EDA: variants seen among roughly 807,000 people sequenced by gnomAD.
EDA encodes ectodysplasin-A.
A neutral mutation model predicts 23.6 loss-of-function variants in EDA; 2 were observed. The ratio of observed to expected loss-of-function variants is 0.08; its 90% CI spans 0.03 to 0.27. The LOEUF is 0.27. Among genes scored for constraint, EDA ranks in the 10% least tolerant of loss-of-function variants. EDA has a pLI of 1.00. For missense variants in EDA, 229 were observed against 324.2 expected (o/e 0.71, Z 2.26); for synonymous variants, 131 against 132.0 (o/e 0.99, Z 0.05).
Position 69,786,809 on chromosome X carries a change from G to A in EDA, c.396+170105G>A, listed in dbSNP as rs1234958544. Among the ~76,000 whole-genome samples, 192 of 110,856 alleles carry A rather than the reference G, an allele frequency of 1.7e-3. 7 individuals are homozygous for A. The South Asian group carries it at 0.059, about 34-fold the overall frequency. On this transcript the variant is annotated intron_variant, in intron 1 of 7. Transcript: ENST00000374552. Reference sequence around the variant, plus strand: ...AGTTCTGTAGATGTCTATTAGGTCCGCTTGGTGCAGAGCTGAGTTCAATTC... The same window carrying A: ...AGTTCTGTAGATGTCTATTAGGTCCACTTGGTGCAGAGCTGAGTTCAATTC...
intron 1 of EDA, among the ~76,000 whole-genome samples, chrX:69,829,189 T>C (rs953818380): frequency 2.7e-5 from 3 of 112,325 alleles, no homozygotes; most frequent in Admixed American, 9.5e-5. Flanking sequence ...CATAGGTAAA[T>C]CCCTAGTTCC....
chrX:69,869,245 A>G (rs1569360455), intron 1 of EDA, among the ~76,000 whole-genome samples: 1 of 110,684 alleles, frequency 9.0e-6, no homozygotes, highest in East Asian at 2.9e-4. Flanking sequence ...CTGGGGACCC[A>G]CTGGACCCAC....
intron 1 of EDA, among the ~76,000 whole-genome samples, chrX:69,743,744 A>G (rs546540838): frequency 2.7e-5 from 3 of 112,219 alleles, no homozygotes; most frequent in Middle Eastern, 4.6e-3. Flanking sequence ...CAACCTAGGT[A>G]AGTAAATGTG....
chrX:69,750,904 T>A (rs1361222563), intron 1 of EDA, among the ~76,000 whole-genome samples: 1 of 111,802 alleles, frequency 8.9e-6, no homozygotes, highest in Non-Finnish European at 1.9e-5. Flanking sequence ...GTTTAAGTTC[T>A]TCATAGATTC....
chrX:69,812,925 A>G (rs1352854175), intron 1 of EDA, among the ~76,000 whole-genome samples: 1 of 111,406 alleles, frequency 9.0e-6, no homozygotes, highest in African/African-American at 3.3e-5. Flanking sequence ...ATTAAGATTT[A>G]TTTTTAGTTT....
chrX:69,730,742 T>C (rs2147356616), intron 1 of EDA, among the ~76,000 whole-genome samples: 1 of 111,970 alleles, frequency 8.9e-6, no homozygotes, highest in Non-Finnish European at 1.9e-5. Context: ...CTTTAGTAAA[T>C]AAAAGAATCT....
intron 1 of EDA, among the ~76,000 whole-genome samples, chrX:69,705,223 C>CAAA: frequency 1.7e-5 from 1 of 58,849 alleles, no homozygotes; most frequent in Non-Finnish European, 3.0e-5. Context: ...AACTCCATCT[C>CAAA]AAAAAAAAAA....
intron 2 of EDA, among the ~76,000 whole-genome samples, chrX:69,967,594 C>T (rs1445595966): frequency 2.7e-5 from 3 of 111,894 alleles, no homozygotes; most frequent in Admixed American, 9.5e-5. Flanking sequence ...TTACAAGTGA[C>T]AGATAGCTGG....
intron 1 of EDA, among the ~76,000 whole-genome samples, chrX:69,629,596 C>T (rs1280752332): frequency 1.8e-5 from 2 of 111,546 alleles, no homozygotes; most frequent in East Asian, 2.8e-4. Context: ...TATCATGCTA[C>T]CTTAAGGATC....
intron 1 of EDA, among the ~76,000 whole-genome samples, chrX:69,703,681 G>A (rs1354204684): frequency 1.8e-5 from 2 of 111,364 alleles, no homozygotes. Flanking sequence ...GTCTTCAGGC[G>A]GTACGTGTCT....
intron 1 of EDA, among the ~76,000 whole-genome samples, chrX:69,774,575 TA>T (rs199556553): frequency 1.8e-5 from 2 of 110,371 alleles, no homozygotes; most frequent in South Asian, 7.6e-4. Flanking sequence ...TTTGTTATTT[TA>T]AAAAAAGCAA....
intron 1 of EDA, among the ~76,000 whole-genome samples, chrX:69,715,435 G>T (rs766550583): frequency 1.8e-5 from 2 of 111,514 alleles, no homozygotes; most frequent in East Asian, 5.7e-4. Context: ...TCTTTTTAAT[G>T]GTTGCATAAT....
intron 1 of EDA, among the ~76,000 whole-genome samples, chrX:69,709,431 G>C (rs1033169095): frequency 2.7e-5 from 3 of 111,829 alleles, no homozygotes; most frequent in Non-Finnish European, 5.6e-5. Context: ...ATGTTTACAA[G>C]TTCTCTCAGC....
chrX:69,826,504 A>C (rs1222520331), intron 1 of EDA, among the ~76,000 whole-genome samples: 2 of 109,428 alleles, frequency 1.8e-5, no homozygotes, highest in African/African-American at 6.7e-5. Flanking sequence ...CTGTTTTATC[A>C]GAGACTAGGA....
intron 4 of EDA, 145 bp from the exon 5 acceptor site, chrX:70,029,359 C>T: frequency 2.9e-6 from 2 of 693,640 alleles, no homozygotes; most frequent in Admixed American, 2.6e-5. Context: ...TGCACTCTGA[C>T]TCTTCCTCCA....
At chrX:70,024,097 T>C (rs2020077361) in intron 3 of EDA, among the ~76,000 whole-genome samples, 1 of 112,841 alleles carries the variant, frequency 8.9e-6, no homozygotes, top group African/African-American at 3.2e-5. Context: ...CACCTGTTTG[T>C]TTCTGGGTTC....
At chrX:69,824,658 A>G (rs1448886265) in intron 1 of EDA, among the ~76,000 whole-genome samples, 3 of 99,646 alleles carry the variant, frequency 3.0e-5, no homozygotes, top group Non-Finnish European at 4.0e-5. Flanking sequence ...GGACAATTTG[A>G]CTTCTTCTTT....
At chrX:69,770,972 A>G (rs755102066) in intron 1 of EDA, among the ~76,000 whole-genome samples, 1 of 112,039 alleles carries the variant, frequency 8.9e-6, no homozygotes, top group East Asian at 2.8e-4. Context: ...TCATTTGTTG[A>G]AAAAACTATA....
intron 2 of EDA, among the ~76,000 whole-genome samples, chrX:69,958,517 CAAAAA>C (rs34031076): frequency 1.1e-5 from 1 of 87,278 alleles, no homozygotes; most frequent in Non-Finnish European, 2.2e-5. Context: ...ATAATAATAC[CAAAAA>C]AAAAAAAAAA....
Sources: gnomAD v4.1 joint callset for allele counts (sites outside exome capture counted in the v4.1 genomes callset) on GRCh38, gnomAD v4.1.1 for gene constraint, MANE v1.5 for transcripts, NCBI Gene and HGNC (gene_info 2026-07-23, HGNC 2026-07-21) for gene names.